The following DDAH1 variants were observed in gnomAD, a reference collection of about 807,000 sequenced individuals.
DDAH1 encodes the protein N(G),N(G)-dimethylarginine dimethylaminohydrolase 1.
In DDAH1, 19 loss-of-function variants were observed where a neutral mutation model predicts 28.8. The ratio of observed to expected loss-of-function variants is 0.66; its 90% CI spans 0.46 to 0.97. DDAH1 has a LOEUF of 0.97. Ranked by LOEUF, DDAH1 falls within the 50% of genes least tolerant of loss-of-function variation. DDAH1 has a pLI of 0.00. For synonymous variants in DDAH1, 153 were observed against 154.4 expected (o/e 0.99, Z 0.07); for missense variants, 326 against 375.9 (o/e 0.87, Z 1.10).
upstream of DDAH1, among the ~76,000 whole-genome samples, chr1:85,469,200 T>C (rs1455008247): frequency 6.6e-6 from 1 of 152,036 alleles, no homozygotes; most frequent in Non-Finnish European, 1.5e-5. Flanking sequence ...AAAGAAAACA[T>C]GAGGTTGGGG....
intron 2 of DDAH1, among the ~76,000 whole-genome samples, chr1:85,353,495 C>T (rs576490646): frequency 6.6e-6 from 1 of 152,202 alleles, no homozygotes; most frequent in African/African-American, 2.4e-5. Flanking sequence ...TTGGCAGACA[C>T]AGGAATCTTT....
chr1:85,512,573 G>A (rs1215273080), intron 1 of DDAH1, among the ~76,000 whole-genome samples: 1 of 152,226 alleles, frequency 6.6e-6, no homozygotes, highest in African/African-American at 2.4e-5. Context: ...CCTGTTTGCA[G>A]AGGACATGAT....
chr1:85,565,681 A>G (rs1659276495), intron 1 of DDAH1, among the ~76,000 whole-genome samples: 1 of 152,234 alleles, frequency 6.6e-6, no homozygotes, highest in Non-Finnish European at 1.5e-5. Context: ...TTCAGGCAGA[A>G]GCAAAAATAA....
chr1:85,509,130 T>C (rs1168133151), intron 1 of DDAH1, among the ~76,000 whole-genome samples: 1 of 152,164 alleles, frequency 6.6e-6, no homozygotes, highest in African/African-American at 2.4e-5. Context: ...AGAGGAAGGA[T>C]CAGGCAACAA....
intron 1 of DDAH1, among the ~76,000 whole-genome samples, chr1:85,576,393 T>C (rs1659604539): frequency 6.6e-6 from 1 of 152,120 alleles, no homozygotes; most frequent in Non-Finnish European, 1.5e-5. Context: ...CAGGACTTCC[T>C]ATCCAGGGCT....
At chr1:85,451,681 G>C (rs1309013095) in intron 1 of DDAH1, among the ~76,000 whole-genome samples, 2 of 152,140 alleles carry the variant, frequency 1.3e-5, no homozygotes, top group Non-Finnish European at 2.9e-5. Context: ...CTAGATACCT[G>C]GGTTGAGTGA....
chr1:85,428,196 G>T (rs1297333962), intron 1 of DDAH1, among the ~76,000 whole-genome samples: 2 of 152,116 alleles, frequency 1.3e-5, no homozygotes, highest in Non-Finnish European at 2.9e-5. Flanking sequence ...ATGTGTAGAG[G>T]TTTGATTGGA....
chr1:85,411,386 A>T (rs1652648401), intron 1 of DDAH1, among the ~76,000 whole-genome samples: 1 of 152,216 alleles, frequency 6.6e-6, no homozygotes, highest in Non-Finnish European at 1.5e-5. Flanking sequence ...CTAGAGAAAC[A>T]ATTAGAAAGG....
chr1:85,559,512 T>C (rs1659079562), intron 1 of DDAH1, among the ~76,000 whole-genome samples: 2 of 151,876 alleles, frequency 1.3e-5, no homozygotes, highest in African/African-American at 2.4e-5. Flanking sequence ...AAAAAATCGA[T>C]CAATAGAAGC....
chr1:85,335,691 C>G (rs929111581), intron 4 of DDAH1, among the ~76,000 whole-genome samples: 4 of 151,790 alleles, frequency 2.6e-5, no homozygotes, highest in African/African-American at 9.7e-5. Flanking sequence ...GGCATGGTGG[C>G]TCACATCTGT....
intron 1 of DDAH1, among the ~76,000 whole-genome samples, chr1:85,562,407 G>A (rs973402705): frequency 1.3e-5 from 2 of 152,104 alleles, no homozygotes; most frequent in African/African-American, 4.8e-5. Flanking sequence ...AAGAATAAAA[G>A]TTTCTGTTAT....
chr1:85,563,900 G>A (rs757288773), intron 1 of DDAH1, among the ~76,000 whole-genome samples: 1 of 152,236 alleles, frequency 6.6e-6, no homozygotes, highest in African/African-American at 2.4e-5. Context: ...AGAGCTGGGC[G>A]TGATGGCTCA....
chr1:85,479,424 C>A (rs959985000), intron 2 of DDAH1, among the ~76,000 whole-genome samples: 11 of 152,002 alleles, frequency 7.2e-5, no homozygotes, highest in African/African-American at 2.4e-4. Context: ...CCACCCGCCT[C>A]GGCCTCCCAA....
intron 4 of DDAH1, among the ~76,000 whole-genome samples, chr1:85,326,767 G>T (rs917436058): frequency 9.9e-5 from 15 of 152,136 alleles, no homozygotes; most frequent in South Asian, 2.1e-4. Context: ...AATTTAAATT[G>T]TTCTTGAAGG....
chr1:85,410,805 G>A (rs1238298058), intron 1 of DDAH1, among the ~76,000 whole-genome samples: 1 of 152,196 alleles, frequency 6.6e-6, no homozygotes, highest in Non-Finnish European at 1.5e-5. Flanking sequence ...TTTTACCTAA[G>A]TTTGTATCAT....
chr1:85,351,678 C>T, intron 2 of DDAH1, 99 bp from the exon 3 acceptor site: 7 of 874,456 alleles, frequency 8.0e-6, no homozygotes, highest in South Asian at 7.1e-5. Flanking sequence ...TCACACAGTT[C>T]TCTCTTACCA....
intron 1 of DDAH1, among the ~76,000 whole-genome samples, chr1:85,388,919 A>C (rs1651409295): frequency 6.6e-6 from 1 of 152,238 alleles, no homozygotes; most frequent in African/African-American, 2.4e-5. Context: ...CTATGTAGCA[A>C]AATGATTACA....
chr1:85,453,877 G>C (rs12043604), intron 1 of DDAH1, among the ~76,000 whole-genome samples: 4,655 of 152,254 alleles, frequency 0.031, 133 homozygotes, highest in East Asian at 0.12. Context: ...CCAGTGATCT[G>C]AGAATGACAT....
At chr1:85,476,464 C>T (rs1655808836) in intron 2 of DDAH1, among the ~76,000 whole-genome samples, 1 of 152,132 alleles carries the variant, frequency 6.6e-6, no homozygotes, top group African/African-American at 2.4e-5. Flanking sequence ...TCTCTAGTGC[C>T]TCAGTGTTGT....
Sources: allele counts gnomAD v4.1 joint callset (sites outside exome capture counted in the v4.1 genomes callset), GRCh38; gene constraint gnomAD v4.1.1; transcripts MANE v1.5; gene names NCBI Gene and HGNC (gene_info 2026-07-23, HGNC 2026-07-21).